TMEM150C: variants seen among roughly 807,000 people sequenced by gnomAD.
The protein encoded by TMEM150C is tentonin 3.
A neutral mutation model predicts 29.9 loss-of-function variants in TMEM150C; 10 were observed. The ratio of observed to expected loss-of-function variants is 0.33; its 90% CI spans 0.21 to 0.57. The LOEUF (loss-of-function observed/expected upper bound fraction) is 0.57. TMEM150C is among the 20% of genes least tolerant of loss of function. The pLI is 0.88. For synonymous variants in TMEM150C, 101 were observed against 112.5 expected (o/e 0.90, Z 0.64); for missense variants, 251 against 303.6 (o/e 0.83, Z 1.29).
intron 1 of TMEM150C, among the ~76,000 whole-genome samples, chr4:82,523,873 G>C (rs550561581): frequency 5.3e-5 from 8 of 151,366 alleles, no homozygotes; most frequent in African/African-American, 1.9e-4. Context: ...AGATGGGGGG[G>C]GTTTCACCAT....
chr4:82,513,231 C>T (rs1015254841), intron 1 of TMEM150C, among the ~76,000 whole-genome samples: 1 of 152,166 alleles, frequency 6.6e-6, no homozygotes, highest in African/African-American at 2.4e-5. Flanking sequence ...GAAAAAGCTT[C>T]CAGAGGAAGG....
intron 1 of TMEM150C, among the ~76,000 whole-genome samples, chr4:82,533,809 C>T (rs996872583): frequency 2.0e-5 from 3 of 152,020 alleles, no homozygotes; most frequent in Admixed American, 6.5e-5. Context: ...AATATAAAGC[C>T]GCAGAAATGT....
rs1367113939 is a variant in TMEM150C at position 82,485,158 on chromosome 4, C to G, written c.*353G>C. 1 of 212,404 alleles carries G rather than the reference C, an allele frequency of 4.7e-6. No homozygotes were observed. The highest frequency in any genetic ancestry group is 2.3e-5 in the African/African-American group (1 of 43,288). 13.2% of individuals were successfully genotyped at this position (212,404 alleles called of 1,614,324 possible). A position where few individuals can be genotyped will look rare whatever the true frequency, so the allele number is the denominator to read the frequency against. The stretch of plus-strand genomic sequence containing the variant: ...AAGGCAACGTCGGGAGTTGGCATTA[C>G]TCCCAAGGAACATTTGGCCTGCCCT... On this transcript the variant is annotated 3_prime_UTR_variant, in exon 8 of 8. Coordinates refer to ENST00000449862, the MANE Select transcript of TMEM150C (RefSeq NM_001080506.3).
At chr4:82,556,006 A>G (rs1002430031) in intron 1 of TMEM150C, among the ~76,000 whole-genome samples, 2 of 152,210 alleles carry the variant, frequency 1.3e-5, no homozygotes, top group African/African-American at 4.8e-5. Context: ...ATAAATATGC[A>G]TATATGCTGC....
At chr4:82,500,936 C>G (rs1223518565) in intron 5 of TMEM150C, among the ~76,000 whole-genome samples, 1 of 152,166 alleles carries the variant, frequency 6.6e-6, no homozygotes, top group African/African-American at 2.4e-5. Flanking sequence ...TAGCATTGTT[C>G]CTGGAATAGA....
chr4:82,513,618 T>C (rs79334748), intron 1 of TMEM150C, among the ~76,000 whole-genome samples: 2 of 152,234 alleles, frequency 1.3e-5, no homozygotes, highest in East Asian at 3.9e-4. Context: ...TACATTTCTA[T>C]TGAGCCTCTA....
intron 1 of TMEM150C, among the ~76,000 whole-genome samples, chr4:82,507,589 C>G (rs918543329): frequency 3.9e-5 from 6 of 152,064 alleles, no homozygotes; most frequent in African/African-American, 1.4e-4. Flanking sequence ...CAGGAGGTTC[C>G]TGGAGATGAA....
chr4:82,529,427 C>G (rs1724765481), intron 1 of TMEM150C, among the ~76,000 whole-genome samples: 2 of 151,924 alleles, frequency 1.3e-5, no homozygotes, highest in African/African-American at 4.8e-5. Flanking sequence ...TAGCTGGGAC[C>G]AAAGGCATAT....
intron 7 of TMEM150C, among the ~76,000 whole-genome samples, chr4:82,488,984 G>A (rs1233138179): frequency 6.6e-6 from 1 of 151,530 alleles, no homozygotes; most frequent in Non-Finnish European, 1.5e-5. Context: ...TTAAACTCCT[G>A]GGCTCAAGCC....
At chr4:82,519,209 G>C (rs1166581262) in intron 1 of TMEM150C, among the ~76,000 whole-genome samples, 2 of 151,672 alleles carry the variant, frequency 1.3e-5, no homozygotes, top group Non-Finnish European at 2.9e-5. Context: ...GTCACCTTTT[G>C]GCCTACAACA....
At chr4:82,530,455 G>T (rs902564385) in intron 1 of TMEM150C, among the ~76,000 whole-genome samples, 35 of 152,174 alleles carry the variant, frequency 2.3e-4, no homozygotes, top group African/African-American at 8.0e-4. Flanking sequence ...TACTCGGGAG[G>T]CTGAGGCAGG....
chr4:82,541,471 T>G (rs916236510), intron 1 of TMEM150C, among the ~76,000 whole-genome samples: 1 of 152,156 alleles, frequency 6.6e-6, no homozygotes, highest in Non-Finnish European at 1.5e-5. Context: ...AGGAAAAGGA[T>G]GTTGATTATA....
At chr4:82,489,742 G>A (rs1189908576) in intron 7 of TMEM150C, among the ~76,000 whole-genome samples, 2 of 152,048 alleles carry the variant, frequency 1.3e-5, no homozygotes, top group African/African-American at 4.8e-5. Flanking sequence ...GAAAAAAATG[G>A]CAATTCTCTT....
chr4:82,492,896 A>ATG (rs1361316904), intron 6 of TMEM150C, among the ~76,000 whole-genome samples: 2 of 137,814 alleles, frequency 1.5e-5, no homozygotes, highest in African/African-American at 5.6e-5. Flanking sequence ...ATATATATAT[A>ATG]TATGTATTTG....
chr4:82,486,335 T>TAAAAA (rs527967958), intron 7 of TMEM150C, among the ~76,000 whole-genome samples: 817 of 51,256 alleles, frequency 0.016, 36 homozygotes, highest in African/African-American at 0.056. Context: ...GACTCCATCT[T>TAAAAA]AAAAAAAAAA....
In TMEM150C at chr4:82,485,311, G is replaced by A. The variant is rs549124190; in HGVS notation, c.*200C>T. On this transcript the variant is annotated 3_prime_UTR_variant, in exon 8 of 8. Coordinates refer to ENST00000449862, the MANE Select transcript of TMEM150C (RefSeq NM_001080506.3). ...GTGCATATATTTTCAGTGTAACAGC[G>A]TGTATTTCGACACATAAGGGCTTGT... 1.2e-4 allele frequency: 69 copies of A among 571,968 alleles called. No individual in the cohort carries two copies. Among genetic ancestry groups the A allele is most frequent in the African/African-American group, 5.6e-4 (30 of 53,326 alleles). 35.4% of individuals were successfully genotyped at this position (571,968 alleles called of 1,614,324 possible).
At chr4:82,515,650 T>C (rs1339378206) in intron 1 of TMEM150C, among the ~76,000 whole-genome samples, 1 of 151,010 alleles carries the variant, frequency 6.6e-6, no homozygotes, top group African/African-American at 2.4e-5. Context: ...GGCAGGAGAA[T>C]CGCTTGAACC....
rs1274289387 is a variant in TMEM150C, at chr4:82,484,361, T to C, written c.*1150A>G. Reference sequence around the variant, plus strand: ...GTGTCAATTTGGTTTTTAGGAAGGGTATTCTTTTAATTGGCTTCTACAAAT... The same window carrying C: ...GTGTCAATTTGGTTTTTAGGAAGGGCATTCTTTTAATTGGCTTCTACAAAT... On this transcript the variant is annotated 3_prime_UTR_variant, in exon 8 of 8. Coordinates refer to ENST00000449862, the MANE Select transcript of TMEM150C (RefSeq NM_001080506.3). The C allele has an allele frequency of 6.6e-6, 1 of 151,234 alleles. No individual in the cohort carries two copies. Among genetic ancestry groups the C allele is most frequent in the African/African-American group, 2.4e-5 (1 of 41,122 alleles). The allele number at this position is 151,234 out of a possible 1,614,324, so 9.4% of individuals were successfully genotyped here. A position where few individuals can be genotyped will look rare whatever the true frequency, so the allele number is the denominator to read the frequency against.
chr4:82,491,171 CT>C, intron 6 of TMEM150C: 3 of 699,214 alleles, frequency 4.3e-6, no homozygotes, highest in Admixed American at 2.0e-5. Context: ...CCAGCTGAGC[CT>C]TTTTGTTTTC....
Sources: allele counts gnomAD v4.1 joint callset (sites outside exome capture counted in the v4.1 genomes callset), GRCh38; gene constraint gnomAD v4.1.1; transcripts MANE v1.5; gene names NCBI Gene and HGNC (gene_info 2026-07-23, HGNC 2026-07-21).